Variants in HSD17B11 observed in about 807,000 individuals in gnomAD.
HSD17B11 encodes the protein estradiol 17-beta-dehydrogenase 11.
A neutral mutation model predicts 27.8 loss-of-function variants in HSD17B11; 22 were observed. The observed-to-expected ratio is 0.79, with a 90% CI of 0.56 to 1.13. The LOEUF is 1.13. Ranked by LOEUF, HSD17B11 falls within the 50% of genes most tolerant of loss-of-function variation. HSD17B11 has a pLI of 0.00. For synonymous variants in HSD17B11, 117 were observed against 132.8 expected, an observed-to-expected ratio of 0.88 and a Z score of 0.82; for missense variants, 314 against 351.1, an observed-to-expected ratio of 0.89 and a Z score of 0.84.
intron 4 of HSD17B11, among the ~76,000 whole-genome samples, chr4:87,369,750 TA>T (rs1301493477): frequency 5.9e-5 from 9 of 152,210 alleles, no homozygotes; most frequent in African/African-American, 2.2e-4. Context: ...ATTTTTCTTT[TA>T]AATAACATTT....
At chr4:87,362,396 C>T (rs1302649080) in intron 4 of HSD17B11, among the ~76,000 whole-genome samples, 1 of 152,186 alleles carries the variant, frequency 6.6e-6, no homozygotes, top group East Asian at 1.9e-4. Context: ...CGTGGTGATG[C>T]ATGCCTGTAA....
intron 6 of HSD17B11, among the ~76,000 whole-genome samples, chr4:87,337,720 T>C (rs1735078901): frequency 6.6e-6 from 1 of 152,212 alleles, no homozygotes; most frequent in African/African-American, 2.4e-5. Context: ...TTTTGTACTT[T>C]ATAATGCAGA....
At position 87,382,267 on chromosome 4, in the gene HSD17B11, G is replaced by C; in HGVS notation, c.306C>G (p.Ser102Arg). ...VDCSNREDIY[S>R]SAKKVKAEIG... ...CACAACATTTCACCTTCTTTGCAGAGCTGTAAATATCTTCTCGGTTGCTGC... is the reference window on the plus strand; with the variant it reads ...CACAACATTTCACCTTCTTTGCAGACCTGTAAATATCTTCTCGGTTGCTGC... The change falls in exon 2 of 7, where the codon AGC becomes AGG. Residue 102 changes from serine to arginine, a missense_variant. Transcript: ENST00000358290. The C allele has an allele frequency of 1.2e-6, 2 of 1,611,788 alleles. No individual in the cohort carries two copies. The highest frequency in any genetic ancestry group is 1.7e-6 in the Non-Finnish European group (2 of 1,177,984).
intron 4 of HSD17B11, among the ~76,000 whole-genome samples, chr4:87,363,422 G>T (rs549871114): frequency 6.6e-6 from 1 of 152,280 alleles, no homozygotes; most frequent in African/African-American, 2.4e-5. Flanking sequence ...GTGTAGAGGG[G>T]TACTTCAGGA....
At chr4:87,370,148 T>A (rs1307394941) in intron 4 of HSD17B11, among the ~76,000 whole-genome samples, 5 of 152,174 alleles carry the variant, frequency 3.3e-5, no homozygotes, top group African/African-American at 1.2e-4. Flanking sequence ...GGGAAAAGGA[T>A]CAATACTCTT....
chr4:87,378,059 C>G (rs1735876825), intron 2 of HSD17B11, among the ~76,000 whole-genome samples: 1 of 152,108 alleles, frequency 6.6e-6, no homozygotes, highest in Non-Finnish European at 1.5e-5. Context: ...CAAGCCACCC[C>G]AAACAGAAAG....
At chr4:87,388,608 T>C (rs752886713) in intron 1 of HSD17B11, among the ~76,000 whole-genome samples, 3 of 152,226 alleles carry the variant, frequency 2.0e-5, no homozygotes, top group Non-Finnish European at 4.4e-5. Context: ...CCCCACCATA[T>C]AGAGTCTTTT....
At chr4:87,361,626 G>T (rs998277597) in intron 4 of HSD17B11, among the ~76,000 whole-genome samples, 1 of 152,090 alleles carries the variant, frequency 6.6e-6, no homozygotes, top group African/African-American at 2.4e-5. Context: ...AATTAGCTGG[G>T]CATGGTGGCG....
At chr4:87,347,206 G>C (rs1331662819) in intron 5 of HSD17B11, among the ~76,000 whole-genome samples, 8 of 61,168 alleles carry the variant, frequency 1.3e-4, no homozygotes, top group Non-Finnish European at 1.9e-4. Flanking sequence ...CATGTGCCAT[G>C]CTGGTGCGCT....
chr4:87,338,049 C>T (rs1325074073), intron 6 of HSD17B11, among the ~76,000 whole-genome samples: 4 of 152,200 alleles, frequency 2.6e-5, no homozygotes, highest in South Asian at 4.1e-4. Context: ...AACCCTGTCT[C>T]TACTAAAAAT....
Position 87,357,435 on chromosome 4 carries a change from CA to C in HSD17B11, c.558-20del. 1.2e-6 allele frequency: 2 copies of C among 1,603,942 alleles called. No individual in the cohort carries two copies. The highest frequency in any genetic ancestry group is 1.7e-6 in the Non-Finnish European group (2 of 1,175,234). ...GCTTGAACTGAAAATAGAGAGTTTACAAAATAATTCAAGAATTCTGAAATGT... is the reference window on the plus strand; with the variant it reads ...GCTTGAACTGAAAATAGAGAGTTTACAAATAATTCAAGAATTCTGAAATGT... On this transcript the variant is annotated intron_variant, in intron 4 of 6. Transcript: ENST00000358290.
chr4:87,382,381 A>G lies in HSD17B11; in HGVS notation c.211-19T>C, dbSNP rs373372936. 3.6e-5 allele frequency: 53 copies of G among 1,472,976 alleles called. No individual in the cohort carries two copies. The African/African-American group carries it at 6.1e-4, about 17-fold the overall frequency. The allele number at this position is 1,472,976 out of a possible 1,614,324, so 91.2% of individuals were successfully genotyped here. On this transcript the variant is annotated intron_variant, in intron 1 of 6. Coordinates refer to ENST00000358290, the MANE Select transcript of HSD17B11 (RefSeq NM_016245.5). ...GTCCATGCTAGAAAAAGCAAAAAAGAGGGCAAGGTAATAATTGATATGAAC... is the reference window on the plus strand; with the variant it reads ...GTCCATGCTAGAAAAAGCAAAAAAGGGGGCAAGGTAATAATTGATATGAAC...
At chr4:87,377,906 C>T (rs928803461) in intron 2 of HSD17B11, among the ~76,000 whole-genome samples, 1 of 152,150 alleles carries the variant, frequency 6.6e-6, no homozygotes, top group African/African-American at 2.4e-5. Flanking sequence ...CTCACAGTAA[C>T]TCAATGAGAC....
intron 2 of HSD17B11, among the ~76,000 whole-genome samples, chr4:87,378,319 G>C (rs1735885066): frequency 6.6e-6 from 1 of 151,880 alleles, no homozygotes; most frequent in African/African-American, 2.4e-5. Flanking sequence ...TGTCTGTTTT[G>C]TATTTTTTTG....
At chr4:87,353,290 T>C (rs1428931882) in intron 5 of HSD17B11, among the ~76,000 whole-genome samples, 2 of 152,256 alleles carry the variant, frequency 1.3e-5, no homozygotes, top group East Asian at 1.9e-4. Flanking sequence ...ATTTAATTTC[T>C]CTAAACCTCA....
chr4:87,364,575 C>T (rs1010054551), intron 4 of HSD17B11, among the ~76,000 whole-genome samples: 3 of 152,182 alleles, frequency 2.0e-5, no homozygotes, highest in African/African-American at 2.4e-5. Flanking sequence ...GATAAGGCAA[C>T]ATCCTCACCC....
At chr4:87,354,337 A>G (rs1735341389) in intron 5 of HSD17B11, among the ~76,000 whole-genome samples, 1 of 152,106 alleles carries the variant, frequency 6.6e-6, no homozygotes, top group South Asian at 2.1e-4. Flanking sequence ...TAGAACTGTT[A>G]GGCCAGGCAT....
intron 1 of HSD17B11, 74 bp downstream of exon 1, chr4:87,390,787 G>A (rs1720437057): frequency 1.6e-5 from 21 of 1,323,108 alleles, no homozygotes; most frequent in Non-Finnish European, 2.3e-5. Context: ...GAGGTAAAGG[G>A]TGGTTGCCAG....
In HSD17B11 at chr4:87,337,094, C is replaced by T. The variant is rs1735069968; in HGVS notation, c.*182G>A. 1.6e-6 allele frequency: 1 copy of T among 612,408 alleles called. No individual in the cohort carries two copies. The highest frequency in any genetic ancestry group is 3.3e-5 in the Admixed American group (1 of 29,946). 37.9% of individuals were successfully genotyped at this position (612,408 alleles called of 1,614,324 possible). A position where few individuals can be genotyped will look rare whatever the true frequency, so the allele number is the denominator to read the frequency against. On this transcript the variant is annotated 3_prime_UTR_variant, in exon 7 of 7. Coordinates refer to ENST00000358290, the MANE Select transcript of HSD17B11 (RefSeq NM_016245.5). The stretch of plus-strand genomic sequence containing the variant: ...TCTAAAGGTATTTCTCTGTTTATAT[C>T]ATATGTAATCAGCTTTTGGCTAAAG...
Sources: allele counts gnomAD v4.1 joint callset (sites outside exome capture counted in the v4.1 genomes callset), GRCh38; gene constraint gnomAD v4.1.1; transcripts MANE v1.5; gene names NCBI Gene and HGNC (gene_info 2026-07-23, HGNC 2026-07-21).